The following PDE2A variants were observed in gnomAD, a reference collection of about 807,000 sequenced individuals.
PDE2A encodes cGMP-dependent 3',5'-cyclic phosphodiesterase.
Under a neutral mutation model 133.6 loss-of-function variants are expected in PDE2A, and 53 were observed. The ratio of observed to expected loss-of-function variants is 0.40; its 90% confidence interval spans 0.32 to 0.50. PDE2A has a LOEUF of 0.50. Ranked by LOEUF, PDE2A falls within the 20% of genes least tolerant of loss-of-function variation. PDE2A has a pLI of 0.73. For synonymous variants in PDE2A, 491 were observed against 490.2 expected, an observed-to-expected ratio of 1.00 and a Z score of -0.02; for missense variants, 796 against 1,232.4, an observed-to-expected ratio of 0.65 and a Z score of 5.30.
chr11:72,590,055 C>A lies in PDE2A; in HGVS notation c.757-74G>T. The A allele has an allele frequency of 7.0e-7, 1 of 1,435,794 alleles. No homozygotes were observed. The highest frequency in any genetic ancestry group is 9.6e-7 in the Non-Finnish European group (1 of 1,044,322). 88.9% of individuals were successfully genotyped at this position (1,435,794 alleles called of 1,614,324 possible). The stretch of plus-strand genomic sequence containing the variant: ...CCCCACTCCCCACCTGCTCCCCTCT[C>A]CGGGGCTCTTCAGGCGGGTGGAGGA... On this transcript the variant is annotated intron_variant, in intron 9 of 30. Coordinates refer to ENST00000334456, the MANE Select transcript of PDE2A (RefSeq NM_002599.5). This position sits in a 1 kb window ranked among gnomAD's most constrained non-coding sequence, Gnocchi z 4.8.
At chr11:72,585,350 C>T in intron 16 of PDE2A, 21 bp downstream of exon 16, 3 of 1,608,172 alleles carry the variant, frequency 1.9e-6, no homozygotes, top group Non-Finnish European at 2.6e-6. Context: ...CTCGCCCTGT[C>T]CCCTGGGTAG....
intron 1 of PDE2A, chr11:72,643,251 C>G (rs1029014936): frequency 3.3e-5 from 5 of 152,170 alleles, no homozygotes; most frequent in Non-Finnish European, 7.3e-5. Context: ...GCCGGCTGCC[C>G]GGAGGGGCCG....
chr11:72,637,904 C>T (rs758620054), intron 2 of PDE2A, among the ~76,000 whole-genome samples: 6 of 152,022 alleles, frequency 3.9e-5, no homozygotes, highest in African/African-American at 7.2e-5. Flanking sequence ...TCAGGGAGGT[C>T]GGGGGATGGG....
intron 1 of PDE2A, chr11:72,652,591 G>A: frequency 2.2e-6 from 1 of 456,266 alleles, no homozygotes; most frequent in Non-Finnish European, 4.4e-6. Flanking sequence ...AAGGGGAAGG[G>A]AGGGGAATGG....
chr11:72,590,586 G>A lies in PDE2A; in HGVS notation c.550-6C>T, dbSNP rs1415897477. On this transcript the variant is annotated splice_polypyrimidine_tract_variant and splice_region_variant and intron_variant, in intron 7 of 30. Transcript: ENST00000334456. This position sits in a 1 kb window ranked among gnomAD's most constrained non-coding sequence, Gnocchi z 4.8. ...CTCCGCAGGGCGACCAGGGTCTGGG[G>A]CAGGCCGAGCGGTTAGCGCGCCGCT... 1.8e-5 allele frequency: 24 copies of A among 1,367,682 alleles called. No homozygotes were observed. In the East Asian group the frequency reaches 6.6e-4, roughly 38 times the overall value. The allele number at this position is 1,367,682 out of a possible 1,614,324, so 84.7% of individuals were successfully genotyped here.
chr11:72,580,267 A>T (rs923414748), intron 25 of PDE2A, among the ~76,000 whole-genome samples: 3 of 152,190 alleles, frequency 2.0e-5, no homozygotes, highest in Non-Finnish European at 4.4e-5. Flanking sequence ...GGCAGACCCA[A>T]ACCAAACAAT....
chr11:72,591,036 G>A (rs1856225453), intron 7 of PDE2A: 3 of 468,144 alleles, frequency 6.4e-6, no homozygotes, highest in Non-Finnish European at 3.8e-6. Context: ...ATTGTAAGTT[G>A]GCAACCGTGT....
chr11:72,639,702 C>CTGTCCAG (rs2135433066), intron 2 of PDE2A, among the ~76,000 whole-genome samples: 1 of 152,320 alleles, frequency 6.6e-6, no homozygotes, highest in East Asian at 1.9e-4. Context: ...TGCCTGCCGC[C>CTGTCCAG]CGCCTGTCCA....
In PDE2A at chr11:72,580,488, G is replaced by A. The variant is rs1042561112; in HGVS notation, c.2181+89C>T. 2.4e-5 allele frequency: 23 copies of A among 970,394 alleles called. No homozygotes were observed. The Middle Eastern group carries it at 2.1e-3, about 89-fold the overall frequency. The allele number at this position is 970,394 out of a possible 1,614,324, so 60.1% of individuals were successfully genotyped here. ...CTCTCGCAGCCTGTCTGGAGAGCAT[G>A]GTTTGGGAATAGGAGGAGCTGGGTC... On this transcript the variant is annotated intron_variant, in intron 25 of 30. Transcript: ENST00000334456.
intron 6 of PDE2A, among the ~76,000 whole-genome samples, chr11:72,593,274 A>G (rs1354897318): frequency 6.6e-6 from 1 of 152,030 alleles, no homozygotes; most frequent in Non-Finnish European, 1.5e-5. Flanking sequence ...AGGCACATTC[A>G]TGCCTGTACA....
chr11:72,585,430 G>C lies in PDE2A; in HGVS notation c.1227C>G (p.Asp409Glu), dbSNP rs1249687173. ...TGATCTCCTGGAGCAGGACAGAGACGTCATCTGGGGAAGGGAGAAGACCAG... is the reference window on the plus strand; with the variant it reads ...TGATCTCCTGGAGCAGGACAGAGACCTCATCTGGGGAAGGGAGAAGACCAG... Reference protein sequence around the residue: ...VAKNLFTHLDDVSVLLQEIIT... With the variant: ...VAKNLFTHLDEVSVLLQEIIT... The change falls in exon 16 of 31, where the codon GAC (aspartate) becomes GAG (glutamate). Residue 409 changes from aspartate to glutamate, a missense_variant. Coordinates refer to ENST00000334456, the MANE Select transcript of PDE2A (RefSeq NM_002599.5). 3 of 1,613,956 alleles carry C rather than the reference G, an allele frequency of 1.9e-6. No individual in the cohort carries two copies. The highest frequency in any genetic ancestry group is 8.5e-7 in the Non-Finnish European group (1 of 1,179,968).
intron 14 of PDE2A, 144 bp downstream of exon 14, chr11:72,585,926 C>A: frequency 1.5e-6 from 1 of 656,050 alleles, no homozygotes; most frequent in Non-Finnish European, 2.8e-6. Context: ...CAACTGCAAG[C>A]CTTCAAGTTA....
intron 2 of PDE2A, among the ~76,000 whole-genome samples, chr11:72,628,272 C>T (rs1377913865): frequency 3.9e-5 from 6 of 152,194 alleles, no homozygotes; most frequent in Non-Finnish European, 7.3e-5. Flanking sequence ...GTAACTTCTC[C>T]CAACAGCTCT....
chr11:72,583,579 G>A (rs1855818556), intron 19 of PDE2A, 64 bp from the exon 20 acceptor site: 1 of 1,100,212 alleles, frequency 9.1e-7, no homozygotes, highest in South Asian at 1.2e-5. Context: ...CAATGCCCAG[G>A]ACTGGGATGA....
chr11:72,588,762 G>T, intron 13 of PDE2A, 22 bp downstream of exon 13: 1 of 1,577,710 alleles, frequency 6.3e-7, no homozygotes, highest in Middle Eastern at 1.7e-4. Flanking sequence ...CTCCTGATCT[G>T]CATCATCCCA....
chr11:72,673,129 C>G (rs975182277), intron 1 of PDE2A, among the ~76,000 whole-genome samples: 6 of 152,268 alleles, frequency 3.9e-5, no homozygotes, highest in Middle Eastern at 6.8e-3. Flanking sequence ...AATACACACA[C>G]ATAAATGCAC....
intron 1 of PDE2A, among the ~76,000 whole-genome samples, chr11:72,669,981 T>G (rs2135467477): frequency 6.6e-6 from 1 of 152,270 alleles, no homozygotes; most frequent in Admixed American, 6.5e-5. Context: ...CGGAAGAAAG[T>G]GCTTCCTACA....
In PDE2A at chr11:72,589,875, GC is replaced by G. The variant is rs750647718; in HGVS notation, c.831+31del. ...AGACCCGAGTTCCTCGCCCAGCCCC[GC>G]CCCCGCTCTACAGTGGACCTGGGCC... On this transcript the variant is annotated intron_variant, in intron 10 of 30. Coordinates refer to ENST00000334456, the MANE Select transcript of PDE2A (RefSeq NM_002599.5). 5.0e-6 allele frequency: 8 copies of G among 1,608,012 alleles called. No individual in the cohort carries two copies. In the East Asian group the frequency reaches 1.8e-4, roughly 36 times the overall value.
intron 1 of PDE2A, among the ~76,000 whole-genome samples, chr11:72,664,620 A>C (rs1019770492): frequency 6.6e-6 from 1 of 151,408 alleles, no homozygotes; most frequent in Non-Finnish European, 1.5e-5. Context: ...TGATCCGCCC[A>C]CCTCAGCCTC....
Sources: gnomAD v4.1 joint callset for allele counts (sites outside exome capture counted in the v4.1 genomes callset) on GRCh38, gnomAD v4.1.1 for gene constraint, Gnocchi (gnomAD v3.1) non-coding constraint, MANE v1.5 for transcripts, NCBI Gene and HGNC (gene_info 2026-07-23, HGNC 2026-07-21) for gene names.